The following PPP1R14C variants were observed in gnomAD, a reference collection of about 807,000 sequenced individuals.
The protein encoded by PPP1R14C is protein phosphatase 1 regulatory subunit 14C.
PPP1R14C carries 16 observed loss-of-function variants against 20.4 expected under a neutral mutation model. The ratio of observed to expected loss-of-function variants is 0.78; its 90% CI spans 0.53 to 1.19. The LOEUF (loss-of-function observed/expected upper bound fraction) is 1.19, where lower values mean the gene tolerates loss of function less well. Ranked by LOEUF, PPP1R14C falls within the 50% of genes most tolerant of loss-of-function variation. The pLI is 0.00. For missense variants in PPP1R14C, 211 were observed against 220.1 expected (o/e 0.96, Z 0.26); for synonymous variants, 91 against 91.0 (o/e 1.00, Z 0.00).
chr6:150,199,345 G>A (rs1582914500), intron 1 of PPP1R14C, among the ~76,000 whole-genome samples: 1 of 152,296 alleles, frequency 6.6e-6, no homozygotes, highest in African/African-American at 2.4e-5. Context: ...ATTAAGAGGT[G>A]GCCCTTTAAG....
At chr6:150,209,712 T>C (rs964599902) in intron 1 of PPP1R14C, among the ~76,000 whole-genome samples, 1 of 151,658 alleles carries the variant, frequency 6.6e-6, no homozygotes, top group South Asian at 2.1e-4. Context: ...TGTGTGCATG[T>C]GAGCGTATGA....
intron 1 of PPP1R14C, among the ~76,000 whole-genome samples, chr6:150,169,761 T>C (rs1488028923): frequency 6.6e-6 from 1 of 152,222 alleles, no homozygotes; most frequent in Non-Finnish European, 1.5e-5. Context: ...CACATCTTAG[T>C]GGCTTAAGAA....
At chr6:150,197,970 T>C (rs1341139402) in intron 1 of PPP1R14C, among the ~76,000 whole-genome samples, 7 of 65,934 alleles carry the variant, frequency 1.1e-4, no homozygotes, top group Non-Finnish European at 1.8e-4. Context: ...CCCGTCACGG[T>C]GGAGGAGGGC....
intron 1 of PPP1R14C, among the ~76,000 whole-genome samples, chr6:150,149,235 T>G (rs1777214515): frequency 1.3e-5 from 2 of 152,078 alleles, no homozygotes; most frequent in South Asian, 2.1e-4. Context: ...GGCCCTGTCA[T>G]TCAGTGGGTA....
chr6:150,200,553 T>A (rs147753226), intron 1 of PPP1R14C, among the ~76,000 whole-genome samples: 2 of 152,252 alleles, frequency 1.3e-5, no homozygotes, highest in African/African-American at 4.8e-5. Context: ...GGAGACACAG[T>A]GATGCGTCTC....
At position 150,249,341 on chromosome 6, in the gene PPP1R14C, C is replaced by T. The variant is rs1318075918; in HGVS notation, c.*521C>T. The stretch of plus-strand genomic sequence containing the variant: ...TGTGGTTGTCCTTTAACTGGAGGTC[C>T]CAGCACATGTGTTTTCAAGAGGCCA... On this transcript the variant is annotated 3_prime_UTR_variant, in exon 4 of 4. Coordinates refer to ENST00000361131, the MANE Select transcript of PPP1R14C (RefSeq NM_030949.3). The T allele has an allele frequency of 2.5e-6, 1 of 398,848 alleles. No homozygotes were observed. Among genetic ancestry groups the T allele is most frequent in the Non-Finnish European group, 4.4e-6 (1 of 226,114 alleles). 24.7% of individuals were successfully genotyped at this position (398,848 alleles called of 1,614,324 possible).
intron 1 of PPP1R14C, among the ~76,000 whole-genome samples, chr6:150,174,708 T>C (rs1777541841): frequency 6.6e-6 from 1 of 151,200 alleles, no homozygotes; most frequent in Non-Finnish European, 1.5e-5. Context: ...CTCACGCCTG[T>C]AATCCCAGCA....
At chr6:150,207,519 A>G (rs763266930) in intron 1 of PPP1R14C, among the ~76,000 whole-genome samples, 4 of 152,122 alleles carry the variant, frequency 2.6e-5, no homozygotes, top group East Asian at 1.9e-4. Context: ...ACCTTCCTCA[A>G]TCTGGATTTG....
In PPP1R14C at chr6:150,248,772, G is replaced by T; in HGVS notation, c.450G>T (p.Arg150=). 3 of 1,613,092 alleles carry T rather than the reference G, an allele frequency of 1.9e-6. No homozygotes were observed. Among genetic ancestry groups the T allele is most frequent in the Non-Finnish European group, 1.7e-6 (2 of 1,179,210 alleles). The change falls in exon 4 of 4, where the codon CGG becomes CGT. Residue 150 remains arginine (R), a synonymous_variant. Coordinates refer to ENST00000361131, the MANE Select transcript of PPP1R14C (RefSeq NM_030949.3). ...AATTTATCAAAGAGCTGCTTTCTCG[G>T]ATAAGAGGCATGAGGAAACTGAGCC... ...TEEFIKELLS[R]IRGMRKLSPP... is the part of the protein sequence containing the mutation.
chr6:150,196,582 C>T (rs1275049906), intron 1 of PPP1R14C, among the ~76,000 whole-genome samples: 1 of 152,150 alleles, frequency 6.6e-6, no homozygotes, highest in Non-Finnish European at 1.5e-5. Flanking sequence ...TTTAACACCT[C>T]TTTCTGGGAA....
Position 150,248,928 on chromosome 6 carries a change from T to A in PPP1R14C, c.*108T>A, listed in dbSNP as rs75930338. ...GGTGTCCTTATGAACAACGTTTTTG[T>A]TTTTTTTTTTTTCTTTTTTGGTGTG... is the stretch of plus-strand genomic sequence containing the variant. On this transcript the variant is annotated 3_prime_UTR_variant, in exon 4 of 4. Coordinates refer to ENST00000361131, the MANE Select transcript of PPP1R14C (RefSeq NM_030949.3). 5.7e-5 allele frequency: 16 copies of A among 282,258 alleles called. No homozygotes were observed. The highest frequency in any genetic ancestry group is 9.1e-5 in the Non-Finnish European group (15 of 164,418). 17.5% of individuals were successfully genotyped at this position (282,258 alleles called of 1,614,324 possible). A position where few individuals can be genotyped will look rare whatever the true frequency, so the allele number is the denominator to read the frequency against.
chr6:150,176,457 G>A (rs560770697), intron 1 of PPP1R14C, among the ~76,000 whole-genome samples: 50 of 152,290 alleles, frequency 3.3e-4, no homozygotes, highest in African/African-American at 9.6e-4. Flanking sequence ...ATGTCTCAGC[G>A]TCAAAGAGAG....
rs1777872838 is a variant in PPP1R14C, at chr6:150,201,128, A to G, written c.307-13616A>G. On this transcript the variant is annotated intron_variant, in intron 1 of 3. Transcript: ENST00000361131. The surrounding 1 kb of genome is among the most constrained non-coding windows in gnomAD (Gnocchi z 4.2). ...ATTGGGCAGGATACTCAGACATTCCATCTGTAAATAGAGATGATGATAATA... is the reference window on the plus strand; with the variant it reads ...ATTGGGCAGGATACTCAGACATTCCGTCTGTAAATAGAGATGATGATAATA... Among the ~76,000 whole-genome samples, 1 of 152,232 alleles carries G rather than the reference A, an allele frequency of 6.6e-6. No individual in the cohort carries two copies. Among genetic ancestry groups the G allele is most frequent in the Non-Finnish European group, 1.5e-5 (1 of 68,040 alleles).
chr6:150,234,699 A>C (rs1778335720), intron 3 of PPP1R14C, among the ~76,000 whole-genome samples: 1 of 151,824 alleles, frequency 6.6e-6, no homozygotes, highest in South Asian at 2.1e-4. Flanking sequence ...AAATACAAAA[A>C]TTAGCTGGGC....
intron 1 of PPP1R14C, among the ~76,000 whole-genome samples, chr6:150,199,188 A>G (rs925598638): frequency 6.6e-6 from 1 of 152,090 alleles, no homozygotes; most frequent in Non-Finnish European, 1.5e-5. Context: ...CATTTTTACA[A>G]GTTCATGGGG....
rs781540072 is a variant in PPP1R14C at position 150,249,363 on chromosome 6, G to C, written c.*543G>C. 6.0e-5 allele frequency: 24 copies of C among 398,874 alleles called. No individual in the cohort carries two copies. Among genetic ancestry groups the C allele is most frequent in the Middle Eastern group, 6.3e-4 (1 of 1,588 alleles). The allele number at this position is 398,874 out of a possible 1,614,324, so 24.7% of individuals were successfully genotyped here. A position where few individuals can be genotyped will look rare whatever the true frequency, so the allele number is the denominator to read the frequency against. On this transcript the variant is annotated 3_prime_UTR_variant, in exon 4 of 4. Transcript: ENST00000361131. Reference sequence around the variant, plus strand: ...GTCCCAGCACATGTGTTTTCAAGAGGCCACTAGGCATTCTTCACTGAGTGC... The same window carrying C: ...GTCCCAGCACATGTGTTTTCAAGAGCCCACTAGGCATTCTTCACTGAGTGC...
At chr6:150,210,021 G>T (rs765316886) in intron 1 of PPP1R14C, among the ~76,000 whole-genome samples, 28 of 152,136 alleles carry the variant, frequency 1.8e-4, no homozygotes, top group African/African-American at 6.3e-4. Flanking sequence ...ATATATTTGT[G>T]TGTGTGTGTG....
At position 150,249,363 on chromosome 6, in the gene PPP1R14C, G is replaced by A. The variant is rs781540072; in HGVS notation, c.*543G>A. On this transcript the variant is annotated 3_prime_UTR_variant, in exon 4 of 4. Coordinates refer to ENST00000361131, the MANE Select transcript of PPP1R14C (RefSeq NM_030949.3). The stretch of plus-strand genomic sequence containing the variant: ...GTCCCAGCACATGTGTTTTCAAGAG[G>A]CCACTAGGCATTCTTCACTGAGTGC... 42 of 398,756 alleles carry A rather than the reference G, an allele frequency of 1.1e-4. No homozygotes were observed. Among genetic ancestry groups the A allele is most frequent in the Non-Finnish European group, 1.5e-4 (34 of 226,084 alleles). The allele number at this position is 398,756 out of a possible 1,614,324, so 24.7% of individuals were successfully genotyped here. A position where few individuals can be genotyped will look rare whatever the true frequency, so the allele number is the denominator to read the frequency against.
intron 1 of PPP1R14C, among the ~76,000 whole-genome samples, chr6:150,189,633 T>C (rs1777718788): frequency 1.3e-5 from 2 of 152,186 alleles, no homozygotes; most frequent in Non-Finnish European, 2.9e-5. Flanking sequence ...GGAGGCTTTC[T>C]GTTGATGGCT....
Sources: gnomAD v4.1 joint callset for allele counts (sites outside exome capture counted in the v4.1 genomes callset) on GRCh38, gnomAD v4.1.1 for gene constraint, Gnocchi (gnomAD v3.1) non-coding constraint, MANE v1.5 for transcripts, NCBI Gene and HGNC (gene_info 2026-07-23, HGNC 2026-07-21) for gene names.